MAP2K5: variants seen among roughly 807,000 people sequenced by gnomAD.
The protein encoded by MAP2K5 is mitogen-activated protein kinase kinase 5.
A neutral mutation model predicts 83.1 loss-of-function variants in MAP2K5; 49 were observed. That is an observed-to-expected ratio of 0.59 (90% CI 0.47 to 0.75). The LOEUF is 0.75. Among genes scored for constraint, MAP2K5 ranks in the 30% least tolerant of loss-of-function variants. MAP2K5 has a pLI of 0.00. For missense variants in MAP2K5, 457 were observed against 557.5 expected (o/e 0.82, Z 1.82); for synonymous variants, 202 against 191.8 (o/e 1.05, Z -0.44).
chr15:67,563,156 C>A lies in MAP2K5; in HGVS notation c.185-127C>A. On this transcript the variant is annotated intron_variant, in intron 2 of 21. Coordinates refer to ENST00000178640, the MANE Select transcript of MAP2K5 (RefSeq NM_145160.3). The surrounding 1 kb of genome is among the most constrained non-coding windows in gnomAD (Gnocchi z 4.5). ...AAACAAAACAACAAACTAATAATGT[C>A]AACATACCCCCAAAATGTGGTGTTG... 9.9e-7 allele frequency: 1 copy of A among 1,012,784 alleles called. No individual in the cohort carries two copies. The highest frequency in any genetic ancestry group is 1.4e-6 in the Non-Finnish European group (1 of 732,900). 62.7% of individuals were successfully genotyped at this position (1,012,784 alleles called of 1,614,324 possible).
Position 67,640,719 on chromosome 15 carries a change from G to A in MAP2K5, c.586-5512G>A, listed in dbSNP as rs776378561. On this transcript the variant is annotated intron_variant, in intron 9 of 21. Coordinates refer to ENST00000178640, the MANE Select transcript of MAP2K5 (RefSeq NM_145160.3). This position sits in a 1 kb window ranked among gnomAD's most constrained non-coding sequence, Gnocchi z 4.6. ...CTACTCAAAATGTTTCTCATGTTAT[G>A]CTTCTAAATGTTCTTATTTTTTAGA... The A allele has an allele frequency of 6.8e-6, 2 of 292,300 alleles. No homozygotes were observed. Among genetic ancestry groups the A allele is most frequent in the Non-Finnish European group, 1.0e-5 (2 of 196,354 alleles). The allele number at this position is 292,300 out of a possible 1,614,324, so 18.1% of individuals were successfully genotyped here. A position where few individuals can be genotyped will look rare whatever the true frequency, so the allele number is the denominator to read the frequency against.
chr15:67,669,093 C>A (rs934375808), intron 13 of MAP2K5, among the ~76,000 whole-genome samples: 1 of 152,040 alleles, frequency 6.6e-6, no homozygotes. Context: ...ACCTTAGATA[C>A]CAAAGCCAGT....
intron 17 of MAP2K5, among the ~76,000 whole-genome samples, chr15:67,735,012 G>A (rs1391422202): frequency 6.6e-6 from 1 of 152,092 alleles, no homozygotes; most frequent in African/African-American, 2.4e-5. Flanking sequence ...AAAATATCCT[G>A]ATATTTCAAG....
chr15:67,733,519 T>A (rs72751427), intron 17 of MAP2K5, among the ~76,000 whole-genome samples: 1,763 of 152,164 alleles, frequency 0.012, 26 homozygotes, highest in Non-Finnish European at 0.016. Context: ...GAAAAAAAAA[T>A]ACCATCATCT....
intron 3 of MAP2K5, among the ~76,000 whole-genome samples, chr15:67,576,840 CTAATAA>C (rs1476982311): frequency 1.4e-5 from 2 of 147,118 alleles, no homozygotes; most frequent in African/African-American, 4.9e-5. Context: ...AATTTCTTAA[CTAATAA>C]TGCATTACAG....
chr15:67,802,615 C>A lies in MAP2K5; in HGVS notation c.1243-4031C>A, dbSNP rs1473560242. 6.6e-6 allele frequency among the ~76,000 whole-genome samples: 1 copy of A among 152,216 alleles called. No individual in the cohort carries two copies. The highest frequency in any genetic ancestry group is 1.5e-5 in the Non-Finnish European group (1 of 68,044). On this transcript the variant is annotated intron_variant, in intron 21 of 21. Coordinates refer to ENST00000178640, the MANE Select transcript of MAP2K5 (RefSeq NM_145160.3). The surrounding 1 kb of genome is among the most constrained non-coding windows in gnomAD (Gnocchi z 5.0). ...AGGCCAGCAAGATCTTTCAGCAGCT[C>A]CAGCCTGGCACTGCCAGGTTCCACA...
intron 17 of MAP2K5, among the ~76,000 whole-genome samples, chr15:67,742,813 C>T (rs938341547): frequency 6.6e-6 from 1 of 152,246 alleles, no homozygotes; most frequent in Non-Finnish European, 1.5e-5. Context: ...TACTTTGGCT[C>T]TTATACACCT....
rs2089689346 is a variant in MAP2K5 at position 67,750,249 on chromosome 15, G to A, written c.1134+1648G>A. On this transcript the variant is annotated intron_variant, in intron 19 of 21. Transcript: ENST00000178640. The surrounding 1 kb of genome is among the most constrained non-coding windows in gnomAD (Gnocchi z 4.2). ...TTTCTTTCTTAGTCAAGAGAAAAAT[G>A]TAACTTAGACATATATTCCTGTTTA... Among the ~76,000 whole-genome samples the A allele has an allele frequency of 6.6e-6, 1 of 152,200 alleles. No homozygotes were observed. Among genetic ancestry groups the A allele is most frequent in the Non-Finnish European group, 1.5e-5 (1 of 68,020 alleles).
At chr15:67,729,833 T>C (rs929131463) in intron 17 of MAP2K5, among the ~76,000 whole-genome samples, 1 of 152,176 alleles carries the variant, frequency 6.6e-6, no homozygotes, top group Admixed American at 6.5e-5. Flanking sequence ...GTGGTCAAAT[T>C]TGAGAAGAGG....
chr15:67,713,847 T>G (rs1050448520), intron 16 of MAP2K5, among the ~76,000 whole-genome samples: 1 of 152,250 alleles, frequency 6.6e-6, no homozygotes, highest in Non-Finnish European at 1.5e-5. Context: ...AATATCATTT[T>G]TAGATTCAAG....
In MAP2K5 at chr15:67,806,964, G is replaced by T; in HGVS notation, c.*214G>T. Reference sequence around the variant, plus strand: ...TCCCCATACCTTCTGGTTTGAAGGCGCTGACACTGGCAGAGAGGTAAAGGG... The same window carrying T: ...TCCCCATACCTTCTGGTTTGAAGGCTCTGACACTGGCAGAGAGGTAAAGGG... On this transcript the variant is annotated 3_prime_UTR_variant, in exon 22 of 22. Coordinates refer to ENST00000178640, the MANE Select transcript of MAP2K5 (RefSeq NM_145160.3). 1 of 1,534,860 alleles carries T rather than the reference G, an allele frequency of 6.5e-7. No individual in the cohort carries two copies. The highest frequency in any genetic ancestry group is 8.7e-7 in the Non-Finnish European group (1 of 1,145,802).
At chr15:67,658,028 A>G (rs918366425) in intron 11 of MAP2K5, among the ~76,000 whole-genome samples, 1 of 152,094 alleles carries the variant, frequency 6.6e-6, no homozygotes, top group Non-Finnish European at 1.5e-5. Flanking sequence ...TAGAACTGAA[A>G]GACTATATAC....
intron 4 of MAP2K5, among the ~76,000 whole-genome samples, chr15:67,585,291 A>G (rs951157577): frequency 6.6e-6 from 1 of 152,196 alleles, no homozygotes; most frequent in African/African-American, 2.4e-5. Context: ...TCAGGAAATT[A>G]ATATTCTTTT....
intron 3 of MAP2K5, among the ~76,000 whole-genome samples, chr15:67,575,141 G>A (rs995588045): frequency 6.6e-6 from 1 of 152,152 alleles, no homozygotes; most frequent in African/African-American, 2.4e-5. Context: ...AGAGAAATCT[G>A]GGCTGGAAAT....
At chr15:67,691,180 G>A (rs767147753) in intron 13 of MAP2K5, among the ~76,000 whole-genome samples, 6 of 152,056 alleles carry the variant, frequency 3.9e-5, no homozygotes, top group Admixed American at 2.0e-4. Context: ...AATGTTTATC[G>A]AGCACTTGAA....
rs1220619087 is a variant in MAP2K5 at position 67,577,765 on chromosome 15, C to T, written c.253-2989C>T. On this transcript the variant is annotated intron_variant, in intron 3 of 21. Coordinates refer to ENST00000178640, the MANE Select transcript of MAP2K5 (RefSeq NM_145160.3). The surrounding 1 kb of genome is among the most constrained non-coding windows in gnomAD (Gnocchi z 4.1). ...CCTGTAATCCCAGCACTTTGGGAGG[C>T]CAAGGCAGGTGGATCACCTGAGGTC... Among the ~76,000 whole-genome samples the T allele has an allele frequency of 6.6e-6, 1 of 152,132 alleles. No individual in the cohort carries two copies. The highest frequency in any genetic ancestry group is 1.5e-5 in the Non-Finnish European group (1 of 68,026).
At chr15:67,659,573 T>G (rs188734593) in intron 12 of MAP2K5, among the ~76,000 whole-genome samples, 2 of 152,214 alleles carry the variant, frequency 1.3e-5, no homozygotes, top group African/African-American at 4.8e-5. Flanking sequence ...GCAGGTAGAT[T>G]AGTATGAAAT....
chr15:67,571,492 AG>A lies in MAP2K5; in HGVS notation c.252+8143del, dbSNP rs1262303304. ...CCACTGTACTTTGTCCAGATATCTC[AG>A]TCGCCTTGTTTTATGGTTTCTGTGT... On this transcript the variant is annotated intron_variant, in intron 3 of 21. Transcript: ENST00000178640. Among the ~76,000 whole-genome samples the A allele has an allele frequency of 5.9e-5, 9 of 152,168 alleles. No individual in the cohort carries two copies. The South Asian group carries it at 1.9e-3, about 31-fold the overall frequency.
intron 9 of MAP2K5, among the ~76,000 whole-genome samples, chr15:67,641,829 A>G (rs11631474): frequency 0.38 from 57,283 of 152,086 alleles, 12,491 homozygotes; most frequent in Non-Finnish European, 0.51. Flanking sequence ...GCTTTTTGCC[A>G]TTGCCTTCAA....
Sources: gnomAD v4.1 joint callset for allele counts (sites outside exome capture counted in the v4.1 genomes callset) on GRCh38, gnomAD v4.1.1 for gene constraint, Gnocchi (gnomAD v3.1) non-coding constraint, MANE v1.5 for transcripts, NCBI Gene and HGNC (gene_info 2026-07-23, HGNC 2026-07-21) for gene names.